Variants in DIP2A observed in about 807,000 individuals in gnomAD.
The protein encoded by DIP2A is disco-interacting protein 2 homolog A.
A neutral mutation model predicts 177.4 loss-of-function variants in DIP2A; 85 were observed. That is an observed-to-expected ratio of 0.48 (90% CI 0.40 to 0.57). DIP2A has a LOEUF of 0.57. Among genes scored for constraint, DIP2A ranks in the 20% least tolerant of loss-of-function variants. DIP2A has a pLI of 0.00. For missense variants in DIP2A, 1,791 were observed against 2,100.2 expected, an observed-to-expected ratio of 0.85 and a Z score of 2.88; for synonymous variants, 886 against 881.8, an observed-to-expected ratio of 1.00 and a Z score of -0.08.
At position 46,529,116 on chromosome 21, in the gene DIP2A, A is replaced by C. The variant is rs1247407160; in HGVS notation, c.1127A>C (p.Lys376Thr). The change falls in exon 9 of 38, where the codon AAA (lysine) becomes ACA (threonine). Residue 376 changes from lysine (K) to threonine (T), a missense_variant. Coordinates refer to ENST00000417564, the MANE Select transcript of DIP2A (RefSeq NM_015151.4). ...TYGKLWSRSL[K>T]LAYTLLNKLT... ...GGTAAACTTTGGAGTCGGAGTTTAA[A>C]ACTAGCTTATACTCTACTTAATAAA... The C allele has an allele frequency of 6.6e-7, 1 of 1,522,000 alleles. No individual in the cohort carries two copies. Among genetic ancestry groups the C allele is most frequent in the Non-Finnish European group, 8.8e-7 (1 of 1,135,474 alleles). The allele number at this position is 1,522,000 out of a possible 1,614,324, so 94.3% of individuals were successfully genotyped here. A position where few individuals can be genotyped will look rare whatever the true frequency, so the allele number is the denominator to read the frequency against.
At chr21:46,572,164 A>G (rs1391592651), downstream of DIP2A, among the ~76,000 whole-genome samples, 4 of 152,242 alleles carry the variant, frequency 2.6e-5, no homozygotes, top group South Asian at 2.1e-4. Flanking sequence ...AAAAGTTTAT[A>G]AAGATGTCTA....
At chr21:46,464,028 A>G (rs568641238) in intron 1 of DIP2A, among the ~76,000 whole-genome samples, 1 of 151,848 alleles carries the variant, frequency 6.6e-6, no homozygotes, top group South Asian at 2.1e-4. Context: ...AATTTTCAAA[A>G]TGACAGCCTG....
chr21:46,461,453 C>A (rs576733787), intron 1 of DIP2A, among the ~76,000 whole-genome samples: 4 of 152,102 alleles, frequency 2.6e-5, no homozygotes, highest in Admixed American at 6.6e-5. Context: ...CTGTGCATTT[C>A]AAACATATTT....
At chr21:46,578,701 C>A in the DIP2A span, among the ~76,000 whole-genome samples, 1 of 152,172 alleles carries the variant, frequency 6.6e-6, no homozygotes, top group South Asian at 2.1e-4. Flanking sequence ...TTTTCTGTGT[C>A]TATTGATATA....
chr21:46,478,445 C>T (rs2056096154), intron 1 of DIP2A, among the ~76,000 whole-genome samples: 1 of 152,142 alleles, frequency 6.6e-6, no homozygotes, highest in South Asian at 2.1e-4. Context: ...CTCCGGACCT[C>T]AGGTGATCTG....
intron 1 of DIP2A, among the ~76,000 whole-genome samples, chr21:46,471,569 C>T (rs2055384795): frequency 6.6e-6 from 1 of 152,158 alleles, no homozygotes; most frequent in Non-Finnish European, 1.5e-5. Flanking sequence ...TTCAGTATTG[C>T]ACTGGTCTAT....
At position 46,557,901 on chromosome 21, in the gene DIP2A, C is replaced by T; in HGVS notation, c.3798+148C>T. 9.8e-7 allele frequency: 1 copy of T among 1,023,662 alleles called. No homozygotes were observed. Among genetic ancestry groups the T allele is most frequent in the East Asian group, 2.6e-5 (1 of 38,040 alleles). The allele number at this position is 1,023,662 out of a possible 1,614,324, so 63.4% of individuals were successfully genotyped here. ...CCTTTCCCACTAGGGGCCCTATGTACACATCTGTCCTCCCACGGCCCACCT... is the reference window on the plus strand; with the variant it reads ...CCTTTCCCACTAGGGGCCCTATGTATACATCTGTCCTCCCACGGCCCACCT... On this transcript the variant is annotated intron_variant, in intron 31 of 37. Transcript: ENST00000417564. The surrounding 1 kb of genome is among the most constrained non-coding windows in gnomAD (Gnocchi z 6.0).
At chr21:46,577,205 C>CGTG in the DIP2A span, among the ~76,000 whole-genome samples, 6 of 152,068 alleles carry the variant, frequency 3.9e-5, no homozygotes, top group African/African-American at 1.4e-4. Context: ...AATCTCTGTC[C>CGTG]GTGCCTATGT....
intron 6 of DIP2A, among the ~76,000 whole-genome samples, chr21:46,506,062 T>C (rs1449397538): frequency 6.6e-6 from 1 of 152,018 alleles, no homozygotes; most frequent in East Asian, 1.9e-4. Context: ...ATGGGTACTT[T>C]CATTTCTTTT....
intron 32 of DIP2A, 100 bp downstream of exon 32, chr21:46,558,493 A>T (rs773280244): frequency 8.2e-7 from 1 of 1,225,372 alleles, no homozygotes; most frequent in Non-Finnish European, 1.2e-6. Context: ...CGCCTGATCT[A>T]TTTCTCCTTC....
In DIP2A at chr21:46,550,729, C is replaced by T. The variant is rs1470124834; in HGVS notation, c.2824C>T (p.Arg942Cys). ...HTCVTNLPKPRQKQPEVGPAS... is the reference protein window; with the variant it reads ...HTCVTNLPKPCQKQPEVGPAS... ...CTGTGTTACCAACCTCCCCAAACCT[C>T]GTCAGAAACAACCAGGTTAGTTGAA... is the stretch of plus-strand genomic sequence containing the variant. Residue 942 changes from arginine (R) to cysteine (C), a missense_variant, in exon 23 of 38, where the codon CGT becomes TGT. Physicochemically the swap from Arg to Cys is radical, Grantham distance 180. Coordinates refer to ENST00000417564, the MANE Select transcript of DIP2A (RefSeq NM_015151.4). 10 of 1,613,914 alleles carry T rather than the reference C, an allele frequency of 6.2e-6. No homozygotes were observed. The highest frequency in any genetic ancestry group is 7.6e-6 in the Non-Finnish European group (9 of 1,179,910).
downstream of DIP2A, among the ~76,000 whole-genome samples, chr21:46,573,274 A>G (rs970251119): frequency 4.6e-5 from 7 of 152,172 alleles, no homozygotes; most frequent in African/African-American, 1.7e-4. Flanking sequence ...AGAGATTGGC[A>G]GAATGGGGAA....
rs1463980920 is a variant in DIP2A at position 46,459,140 on chromosome 21, C to T, written c.9C>T (p.Asp3=). Residue 3 remains aspartate, a synonymous_variant, in exon 1 of 38, where the codon GAC becomes GAT. Coordinates refer to ENST00000417564, the MANE Select transcript of DIP2A (RefSeq NM_015151.4). ...CGCTAGCCGGCCTGGCCATGGCTGA[C>T]CGCGGGTGCCCGCTGGAGGCGGCGC... MA[D]RGCPLEAAPL... 2.6e-6 allele frequency: 4 copies of T among 1,512,610 alleles called. No homozygotes were observed. In the African/African-American group the frequency reaches 4.4e-5, roughly 16 times the overall value. The allele number at this position is 1,512,610 out of a possible 1,614,324, so 93.7% of individuals were successfully genotyped here.
At chr21:46,487,707 TATTC>T (rs1683155246) in intron 2 of DIP2A, among the ~76,000 whole-genome samples, 1 of 152,248 alleles carries the variant, frequency 6.6e-6, no homozygotes, top group South Asian at 2.1e-4. Context: ...GAAAAAATCT[TATTC>T]ATAATGAAAA....
intron 1 of DIP2A, among the ~76,000 whole-genome samples, chr21:46,475,761 ACT>A (rs151243004): frequency 0.047 from 7,204 of 152,022 alleles, 222 homozygotes; most frequent in Non-Finnish European, 0.064. Flanking sequence ...ACTCCCATTC[ACT>A]CTCTGATTCC....
chr21:46,535,556 C>T (rs1195297275), intron 13 of DIP2A, among the ~76,000 whole-genome samples: 1 of 150,246 alleles, frequency 6.7e-6, no homozygotes, highest in Non-Finnish European at 1.5e-5. Context: ...CCTGTCTCTA[C>T]AAAAAAAGGG....
the DIP2A span, among the ~76,000 whole-genome samples, chr21:46,578,390 A>C: frequency 1.9e-4 from 29 of 152,234 alleles, no homozygotes; most frequent in African/African-American, 7.0e-4. Context: ...ATATAGGATC[A>C]TGTCATCTGT....
chr21:46,523,066 C>T lies in DIP2A; in HGVS notation c.1103-6026C>T, dbSNP rs1299413178. Among the ~76,000 whole-genome samples, 3 of 151,996 alleles carry T rather than the reference C, an allele frequency of 2.0e-5. No individual in the cohort carries two copies. In the East Asian group the frequency reaches 5.8e-4, roughly 29 times the overall value. Reference sequence around the variant, plus strand: ...TCAGCCTCCCGAGTAGCTGGGATTACAGGCATGTGCCACCATGCCCAGCTA... The same window carrying T: ...TCAGCCTCCCGAGTAGCTGGGATTATAGGCATGTGCCACCATGCCCAGCTA... On this transcript the variant is annotated intron_variant, in intron 8 of 37. Coordinates refer to ENST00000417564, the MANE Select transcript of DIP2A (RefSeq NM_015151.4).
chr21:46,542,494 G>A (rs775567665), intron 18 of DIP2A, among the ~76,000 whole-genome samples: 1 of 152,244 alleles, frequency 6.6e-6, no homozygotes, highest in East Asian at 1.9e-4. Context: ...GAAATTCCTC[G>A]ATGTCAGAAA....
Sources: gnomAD v4.1 joint callset for allele counts (sites outside exome capture counted in the v4.1 genomes callset) on GRCh38, gnomAD v4.1.1 for gene constraint, Gnocchi (gnomAD v3.1) non-coding constraint, MANE v1.5 for transcripts, NCBI Gene and HGNC (gene_info 2026-07-23, HGNC 2026-07-21) for gene names.